Variants in CFAP20DC observed in about 807,000 individuals in gnomAD.
The protein encoded by CFAP20DC is CFAP20 domain containing.
Under a neutral mutation model 101.7 loss-of-function variants are expected in CFAP20DC, and 84 were observed. The observed-to-expected ratio is 0.83, with a 90% CI of 0.69 to 0.99. CFAP20DC has a LOEUF of 0.99. CFAP20DC is among the 50% of genes least tolerant of loss of function. The pLI is 0.00. For synonymous variants in CFAP20DC, 359 were observed against 351.2 expected (o/e 1.02, Z -0.25); for missense variants, 1,007 against 970.3 (o/e 1.04, Z -0.50).
Position 59,006,532 on chromosome 3 carries a change from C to A in CFAP20DC, c.278+33025G>T, listed in dbSNP as rs1424632392. 6.6e-6 allele frequency among the ~76,000 whole-genome samples: 1 copy of A among 152,226 alleles called. No homozygotes were observed. Among genetic ancestry groups the A allele is most frequent in the Non-Finnish European group, 1.5e-5 (1 of 68,044 alleles). The stretch of plus-strand genomic sequence containing the variant: ...AATCCTGCCTCTGAACACACATCCC[C>A]ACTGGGGAATCTGAAAATCCAGATC... On this transcript the variant is annotated intron_variant, in intron 4 of 16. Transcript: ENST00000482387. This position sits in a 1 kb window ranked among gnomAD's most constrained non-coding sequence, Gnocchi z 4.3.
At chr3:58,979,887 A>T (rs2092450121) in intron 4 of CFAP20DC, among the ~76,000 whole-genome samples, 1 of 152,030 alleles carries the variant, frequency 6.6e-6, no homozygotes, top group African/African-American at 2.4e-5. Flanking sequence ...CTTTTGTAAA[A>T]ATCATATCCT....
At chr3:58,797,040 C>G (rs531601879) in intron 15 of CFAP20DC, among the ~76,000 whole-genome samples, 2 of 152,268 alleles carry the variant, frequency 1.3e-5, no homozygotes, top group African/African-American at 2.4e-5. Flanking sequence ...TTGGGCCTAC[C>G]TATTCCCTGA....
chr3:58,963,327 T>G (rs896745007), intron 4 of CFAP20DC, among the ~76,000 whole-genome samples: 1 of 151,954 alleles, frequency 6.6e-6, no homozygotes, highest in Non-Finnish European at 1.5e-5. Flanking sequence ...CCAGTTTTAC[T>G]ATTGCTTTTT....
chr3:58,727,084 TG>T (rs1238632514), intron 3 of CFAP20DC: 39 of 207,426 alleles, frequency 1.9e-4, no homozygotes, highest in Middle Eastern at 2.1e-3. Flanking sequence ...AGAGATGACT[TG>T]GCTCCACCTC....
chr3:58,935,447 A>G (rs1417984590), intron 5 of CFAP20DC, among the ~76,000 whole-genome samples: 2 of 152,084 alleles, frequency 1.3e-5, no homozygotes, highest in African/African-American at 4.8e-5. Flanking sequence ...TGGAACCAAA[A>G]AAGAGCCCGC....
chr3:58,921,585 T>C (rs938388538), intron 5 of CFAP20DC, among the ~76,000 whole-genome samples: 8 of 152,212 alleles, frequency 5.3e-5, no homozygotes, highest in African/African-American at 1.9e-4. Context: ...TTAATTCCCT[T>C]ATAGCACAGG....
intron 1 of CFAP20DC, among the ~76,000 whole-genome samples, chr3:59,047,845 C>G (rs1457111375): frequency 6.6e-6 from 1 of 152,112 alleles, no homozygotes; most frequent in Non-Finnish European, 1.5e-5. Context: ...ACAGCACCAT[C>G]AAAGTTTATT....
chr3:58,979,350 A>G (rs1344540485), intron 4 of CFAP20DC, among the ~76,000 whole-genome samples: 1 of 152,218 alleles, frequency 6.6e-6, no homozygotes, highest in Non-Finnish European at 1.5e-5. Context: ...TGCTATAAGG[A>G]TTGAATGCAA....
chr3:58,871,130 T>A (rs1030340146), intron 7 of CFAP20DC, among the ~76,000 whole-genome samples: 1 of 151,842 alleles, frequency 6.6e-6, no homozygotes, highest in Non-Finnish European at 1.5e-5. Flanking sequence ...CCAGTGGCAA[T>A]GAAGAATAAG....
chr3:58,932,016 A>C (rs2086774407), intron 5 of CFAP20DC, among the ~76,000 whole-genome samples: 2 of 152,226 alleles, frequency 1.3e-5, no homozygotes, highest in South Asian at 4.1e-4. Flanking sequence ...AAGAAGTTAA[A>C]AACTTGGAAA....
chr3:58,738,181 C>A (rs755886790), downstream of CFAP20DC, among the ~76,000 whole-genome samples: 8 of 151,214 alleles, frequency 5.3e-5, no homozygotes, highest in Non-Finnish European at 8.9e-5. The surrounding 1 kb of genome is among the most constrained non-coding windows in gnomAD (Gnocchi z 4.4). Flanking sequence ...ACAGGCAATT[C>A]TTTTTTTTTA....
At chr3:58,975,150 G>A (rs1040887231) in intron 4 of CFAP20DC, among the ~76,000 whole-genome samples, 2 of 151,844 alleles carry the variant, frequency 1.3e-5, no homozygotes, top group South Asian at 2.1e-4. Flanking sequence ...TTTTTTCAGC[G>A]GGTACACTAT....
intron 5 of CFAP20DC, among the ~76,000 whole-genome samples, chr3:58,920,395 T>C (rs575834726): frequency 3.4e-4 from 52 of 152,228 alleles, no homozygotes; most frequent in African/African-American, 1.2e-3. Flanking sequence ...TGCCCAGCCA[T>C]AGTGGATAGT....
intron 12 of CFAP20DC, among the ~76,000 whole-genome samples, chr3:58,857,976 A>C (rs1227359601): frequency 1.3e-5 from 2 of 152,162 alleles, no homozygotes; most frequent in East Asian, 3.8e-4. Flanking sequence ...ATAACATATA[A>C]ATTTATTATG....
chr3:58,779,686 G>C (rs982694948), intron 15 of CFAP20DC, among the ~76,000 whole-genome samples: 13 of 152,018 alleles, frequency 8.6e-5, no homozygotes, highest in Admixed American at 1.3e-4. Flanking sequence ...TAAAAAAGAA[G>C]GAGCAAAACA....
chr3:58,983,477 T>C (rs1407835988), intron 4 of CFAP20DC, among the ~76,000 whole-genome samples: 2 of 152,190 alleles, frequency 1.3e-5, no homozygotes, highest in Non-Finnish European at 2.9e-5. Flanking sequence ...TTAGAACTTA[T>C]GGTTCAGTTT....
At chr3:58,947,708 C>T (rs1039421207) in intron 4 of CFAP20DC, among the ~76,000 whole-genome samples, 10 of 152,298 alleles carry the variant, frequency 6.6e-5, no homozygotes, top group African/African-American at 2.2e-4. Context: ...CTTTAGGAAG[C>T]ACATCTCCAA....
intron 7 of CFAP20DC, among the ~76,000 whole-genome samples, chr3:58,883,397 A>C (rs2081366260): frequency 6.6e-6 from 1 of 152,068 alleles, no homozygotes; most frequent in Admixed American, 6.6e-5. Flanking sequence ...TCATTTCTCT[A>C]CCTTAGGATA....
intron 4 of CFAP20DC, among the ~76,000 whole-genome samples, chr3:59,033,075 C>T (rs2109117067): frequency 6.6e-6 from 1 of 152,258 alleles, no homozygotes; most frequent in East Asian, 1.9e-4. Flanking sequence ...AAGTGGACCA[C>T]TGCAAACTCC....
Sources: gnomAD v4.1 joint callset for allele counts (sites outside exome capture counted in the v4.1 genomes callset) on GRCh38, gnomAD v4.1.1 for gene constraint, Gnocchi (gnomAD v3.1) non-coding constraint, MANE v1.5 for transcripts, NCBI Gene and HGNC (gene_info 2026-07-23, HGNC 2026-07-21) for gene names.